The following PRDM10 variants were observed in gnomAD, a reference collection of about 807,000 sequenced individuals.
The protein encoded by PRDM10 is PR domain zinc finger protein 10.
PRDM10 carries 65 observed loss-of-function variants against 133.1 expected under a neutral mutation model. That is an observed-to-expected ratio of 0.49 (90% CI 0.40 to 0.60). The LOEUF is 0.60. PRDM10 is among the 20% of genes least tolerant of loss of function. PRDM10 has a pLI of 0.00. For synonymous variants in PRDM10, 582 were observed against 580.4 expected (o/e 1.00, Z -0.04); for missense variants, 1,137 against 1,507.1 (o/e 0.75, Z 4.07).
chr11:129,904,179 G>GA (rs1033446378), intron 20 of PRDM10, among the ~76,000 whole-genome samples: 9 of 136,254 alleles, frequency 6.6e-5, no homozygotes, highest in Admixed American at 4.3e-4. Context: ...AAAAAAAGGA[G>GA]AAAAAAAATC....
intron 1 of PRDM10, among the ~76,000 whole-genome samples, chr11:129,971,570 C>G (rs958523830): frequency 3.3e-5 from 5 of 152,024 alleles, no homozygotes; most frequent in Non-Finnish European, 7.4e-5. Context: ...ACAGAGTGCC[C>G]ATAGGTGTAT....
intron 12 of PRDM10, among the ~76,000 whole-genome samples, chr11:129,924,226 T>C (rs1038998595): frequency 2.5e-4 from 38 of 152,246 alleles, no homozygotes; most frequent in African/African-American, 8.7e-4. Context: ...CTCTCAACAC[T>C]AGCAGAACTA....
chr11:129,943,079 G>A (rs1296936949), intron 6 of PRDM10, among the ~76,000 whole-genome samples: 2 of 152,180 alleles, frequency 1.3e-5, no homozygotes, highest in Non-Finnish European at 2.9e-5. Flanking sequence ...ATCTCCCCAT[G>A]ACAGCAGATG....
At chr11:129,933,903 CT>C (rs1950947092) in intron 9 of PRDM10, among the ~76,000 whole-genome samples, 1 of 152,182 alleles carries the variant, frequency 6.6e-6, no homozygotes, top group Admixed American at 6.5e-5. Context: ...GGACACTACC[CT>C]GGCTCTGTAG....
chr11:129,942,683 A>T (rs1275503315), intron 6 of PRDM10, 54 bp from the exon 7 acceptor site: 1 of 1,450,662 alleles, frequency 6.9e-7, no homozygotes, highest in African/African-American at 1.4e-5. Context: ...AATATGAGAC[A>T]CATTTTATAA....
rs755443603 is a variant in PRDM10 at position 129,931,250 on chromosome 11, T to C, written c.1296A>G (p.Leu432=). Residue 432 remains leucine (L), a synonymous_variant, in exon 11 of 21, where the codon CTA becomes CTG. Coordinates refer to ENST00000360871, the MANE Select transcript of PRDM10 (RefSeq NM_199437.2). The part of the protein sequence containing the change: ...EKSDDGTQDL[L]HFPTKEQFDE... Reference sequence around the variant, plus strand: ...CAAATTGCTCCTTTGTGGGAAAATGTAGCAAGTCCTGAAATTTGCAATAAC... The same window carrying C: ...CAAATTGCTCCTTTGTGGGAAAATGCAGCAAGTCCTGAAATTTGCAATAAC... 2.5e-6 allele frequency: 4 copies of C among 1,613,750 alleles called. No homozygotes were observed. The highest frequency in any genetic ancestry group is 2.2e-5 in the South Asian group (2 of 91,044).
intron 15 of PRDM10, among the ~76,000 whole-genome samples, chr11:129,916,767 T>C (rs529716495): frequency 4.6e-5 from 7 of 152,298 alleles, no homozygotes; most frequent in Non-Finnish European, 7.4e-5. Flanking sequence ...CTCCACCTTA[T>C]AGAAACCCCA....
intron 8 of PRDM10, among the ~76,000 whole-genome samples, chr11:129,937,101 C>A (rs148018009): frequency 6.6e-6 from 1 of 152,274 alleles, no homozygotes; most frequent in South Asian, 2.1e-4. Context: ...GAGAGAGTTA[C>A]GCTTGGGAGT....
intron 1 of PRDM10, among the ~76,000 whole-genome samples, chr11:129,973,719 T>C (rs1223511214): frequency 6.6e-6 from 1 of 152,214 alleles, no homozygotes; most frequent in Non-Finnish European, 1.5e-5. Flanking sequence ...CAAAGTCCCT[T>C]TTCAGCTCTA....
intron 6 of PRDM10, 41 bp downstream of exon 6, chr11:129,944,730 T>C: frequency 6.2e-7 from 1 of 1,607,638 alleles, no homozygotes; most frequent in African/African-American, 1.3e-5. Flanking sequence ...CTTCAAACAC[T>C]GGTAAAGGAC....
chr11:129,987,429 A>G (rs541710236), intron 1 of PRDM10, among the ~76,000 whole-genome samples: 1 of 152,340 alleles, frequency 6.6e-6, no homozygotes, highest in Non-Finnish European at 1.5e-5. Flanking sequence ...CTCATACACT[A>G]CTGGTGAGAA....
Position 129,903,284 on chromosome 11 carries a change from G to A in PRDM10, c.3268-768C>T, listed in dbSNP as rs976147434. Among the ~76,000 whole-genome samples, 3 of 122,576 alleles carry A rather than the reference G, an allele frequency of 2.4e-5. No individual in the cohort carries two copies. In the East Asian group the frequency reaches 7.2e-4, roughly 30 times the overall value. The allele number at this position is 122,576 out of a possible 152,430, so 80.4% of individuals were successfully genotyped here. On this transcript the variant is annotated intron_variant, in intron 20 of 20. Transcript: ENST00000360871. Reference sequence around the variant, plus strand: ...TTGCACTCAAGCCTGGGCAACAAGAGCGAAACTCCGTCTCAAAATAATAAT... The same window carrying A: ...TTGCACTCAAGCCTGGGCAACAAGAACGAAACTCCGTCTCAAAATAATAAT...
intron 1 of PRDM10, among the ~76,000 whole-genome samples, chr11:129,969,013 C>T (rs555029650): frequency 6.6e-6 from 1 of 152,300 alleles, no homozygotes; most frequent in Admixed American, 6.5e-5. Flanking sequence ...TGCCAGGAGG[C>T]TGGCAAGGTG....
At chr11:129,927,953 C>T (rs1259831446) in intron 11 of PRDM10, among the ~76,000 whole-genome samples, 1 of 152,114 alleles carries the variant, frequency 6.6e-6, no homozygotes, top group Non-Finnish European at 1.5e-5. Flanking sequence ...TCAGGCAATC[C>T]ACCACACTCT....
At position 129,947,518 on chromosome 11, in the gene PRDM10, T is replaced by A; in HGVS notation, c.295-148A>T. Reference sequence around the variant, plus strand: ...CCAGGCCCTGGAAAAATGACTTCCATCTACCGGCTGTGAGGAAGAGCTGGC... The same window carrying A: ...CCAGGCCCTGGAAAAATGACTTCCAACTACCGGCTGTGAGGAAGAGCTGGC... On this transcript the variant is annotated intron_variant, in intron 4 of 20. Transcript: ENST00000360871. The surrounding 1 kb of genome is among the most constrained non-coding windows in gnomAD (Gnocchi z 4.6). 6.6e-7 allele frequency: 1 copy of A among 1,511,140 alleles called. No homozygotes were observed. The highest frequency in any genetic ancestry group is 2.3e-5 in the East Asian group (1 of 43,904). The allele number at this position is 1,511,140 out of a possible 1,614,324, so 93.6% of individuals were successfully genotyped here.
At chr11:129,917,889 G>C (rs1183995951) in intron 14 of PRDM10, among the ~76,000 whole-genome samples, 1 of 152,218 alleles carries the variant, frequency 6.6e-6, no homozygotes, top group East Asian at 1.9e-4. Flanking sequence ...CCAGCATTCT[G>C]GGAGGCTGAG....
intron 1 of PRDM10, among the ~76,000 whole-genome samples, chr11:129,995,404 T>C (rs907011932): frequency 2.0e-5 from 3 of 152,198 alleles, no homozygotes; most frequent in Non-Finnish European, 1.5e-5. Context: ...TCTGTCAATA[T>C]TCTGTGTTGA....
rs746667095 is a variant in PRDM10, at chr11:129,931,092, G to C, written c.1454C>G (p.Pro485Arg). The change falls in exon 11 of 21, where the codon CCG becomes CGG. Residue 485 changes from proline to arginine, a missense_variant. Pro to Arg is a moderately radical substitution (Grantham distance 103). Coordinates refer to ENST00000360871, the MANE Select transcript of PRDM10 (RefSeq NM_199437.2). ...GGGCACCACGCTCTCTTCATGCTGC[G>C]GCTGCAGGTGCAGGGTGTGAGTTTC... ...EPETHTLHLQ[P>R]QHEESVVPTQ... 13 of 1,614,206 alleles carry C rather than the reference G, an allele frequency of 8.1e-6. No individual in the cohort carries two copies. The South Asian group carries it at 1.3e-4, about 16-fold the overall frequency.
intron 3 of PRDM10, 90 bp downstream of exon 3, chr11:129,957,656 G>A: frequency 6.8e-7 from 1 of 1,476,680 alleles, no homozygotes; most frequent in Non-Finnish European, 9.2e-7. Context: ...TGCATCACCA[G>A]TACCTAGCAC....
Sources: allele counts gnomAD v4.1 joint callset (sites outside exome capture counted in the v4.1 genomes callset), GRCh38; gene constraint gnomAD v4.1.1; non-coding constraint Gnocchi (gnomAD v3.1); transcripts MANE v1.5; gene names NCBI Gene and HGNC (gene_info 2026-07-23, HGNC 2026-07-21).